The following LONP2 variants were observed in gnomAD, a reference collection of about 807,000 sequenced individuals.
LONP2 encodes lon peptidase 2, peroxisomal.
In LONP2, 60 loss-of-function variants were observed where a neutral mutation model predicts 85.6. The ratio of observed to expected loss-of-function variants is 0.70; its 90% CI spans 0.57 to 0.87. LONP2 has a LOEUF of 0.87. Ranked by LOEUF, LONP2 falls within the 40% of genes least tolerant of loss-of-function variation. The probability of loss-of-function intolerance (pLI) is 0.00; values close to 1 mark genes in which losing one functional copy is unlikely to be tolerated. For missense variants in LONP2, 860 were observed against 1,063.5 expected, an observed-to-expected ratio of 0.81 and a Z score of 2.66; for synonymous variants, 395 against 389.7, an observed-to-expected ratio of 1.01 and a Z score of -0.16.
chr16:48,247,874 T>A (rs1596896245), intron 1 of LONP2, among the ~76,000 whole-genome samples: 1 of 152,182 alleles, frequency 6.6e-6, no homozygotes, highest in South Asian at 2.1e-4. Flanking sequence ...CAAGTGATCC[T>A]CCTGCCTCTG....
intron 10 of LONP2, among the ~76,000 whole-genome samples, chr16:48,300,122 A>G (rs1972772038): frequency 6.6e-6 from 1 of 152,248 alleles, no homozygotes; most frequent in Non-Finnish European, 1.5e-5. Flanking sequence ...GATCATTTAA[A>G]AACCAAATAC....
intron 1 of LONP2, 94 bp from the exon 2 acceptor site, chr16:48,252,037 A>G: frequency 1.1e-6 from 1 of 930,520 alleles, no homozygotes; most frequent in Non-Finnish European, 1.5e-6. Context: ...TCTTTTGCTT[A>G]ATGAATGTAT....
In LONP2 at chr16:48,347,491, T is replaced by C; in HGVS notation, c.1939-16T>C. The C allele has an allele frequency of 6.2e-7, 1 of 1,613,748 alleles. No homozygotes were observed. The highest frequency in any genetic ancestry group is 1.1e-5 in the South Asian group (1 of 91,068). ...GCATTTGCCAACCCAACTCTGATCA[T>C]TCTTCTTCTTTCAAGGTATCTCAGC... On this transcript the variant is annotated splice_polypyrimidine_tract_variant and intron_variant, in intron 12 of 14. Coordinates refer to ENST00000285737, the MANE Select transcript of LONP2 (RefSeq NM_031490.5).
In LONP2 at chr16:48,352,353, A is replaced by G. The variant is rs28515165; in HGVS notation, c.*551A>G. On this transcript the variant is annotated 3_prime_UTR_variant, in exon 15 of 15. Coordinates refer to ENST00000285737, the MANE Select transcript of LONP2 (RefSeq NM_031490.5). The stretch of plus-strand genomic sequence containing the variant: ...GCCAACTATTCTTGGCTATATATAT[A>G]TATTCAAGTGGGCCGGGCGTGATGG... 0.083 allele frequency: 12,804 copies of G among 153,620 alleles called. 569 individuals carry two copies. The highest frequency in any genetic ancestry group is 0.11 in the Middle Eastern group (33 of 294). 9.5% of individuals were successfully genotyped at this position (153,620 alleles called of 1,614,324 possible). A position where few individuals can be genotyped will look rare whatever the true frequency, so the allele number is the denominator to read the frequency against.
intron 1 of LONP2, among the ~76,000 whole-genome samples, chr16:48,249,589 T>C (rs1971574641): frequency 6.6e-6 from 1 of 152,184 alleles, no homozygotes; most frequent in Non-Finnish European, 1.5e-5. Flanking sequence ...AAGGGATGTA[T>C]TCTAGGCTGG....
At chr16:48,252,050 G>T in intron 1 of LONP2, 81 bp from the exon 2 acceptor site, 1 of 1,104,370 alleles carries the variant, frequency 9.1e-7, no homozygotes. Flanking sequence ...GAATGTATCA[G>T]AAAAGCCAAC....
chr16:48,260,987 G>A (rs1200520215), intron 4 of LONP2, among the ~76,000 whole-genome samples: 1 of 152,144 alleles, frequency 6.6e-6, no homozygotes, highest in Non-Finnish European at 1.5e-5. Context: ...TAGAGCCAGT[G>A]GTGGAAAGGT....
intron 8 of LONP2, among the ~76,000 whole-genome samples, chr16:48,290,569 A>G (rs925996473): frequency 6.6e-6 from 1 of 151,522 alleles, no homozygotes; most frequent in Admixed American, 6.6e-5. Flanking sequence ...AATTTGCTAG[A>G]GTAGCTCACA....
chr16:48,296,323 C>T (rs369971386), intron 9 of LONP2, among the ~76,000 whole-genome samples, 158 bp downstream of exon 9: 7 of 152,190 alleles, frequency 4.6e-5, no homozygotes, highest in African/African-American at 1.7e-4. Context: ...TATGTAGCTT[C>T]AAAGTCTGGA....
chr16:48,350,007 C>A (rs890587501), intron 14 of LONP2, among the ~76,000 whole-genome samples: 1 of 152,154 alleles, frequency 6.6e-6, no homozygotes, highest in African/African-American at 2.4e-5. Flanking sequence ...AATCCCAGCA[C>A]TTTGGGAGGC....
intron 7 of LONP2, among the ~76,000 whole-genome samples, chr16:48,274,698 G>T (rs977954710): frequency 6.6e-6 from 1 of 151,274 alleles, no homozygotes; most frequent in Non-Finnish European, 1.5e-5. Flanking sequence ...ACACACCCTT[G>T]GTAGAAAATG....
In LONP2 at chr16:48,245,667, G is replaced by A. The variant is rs534461245; in HGVS notation, c.233+1046G>A. Among the ~76,000 whole-genome samples the A allele has an allele frequency of 3.5e-4, 53 of 152,180 alleles. 1 individual carries two copies. Among genetic ancestry groups the A allele is most frequent in the Non-Finnish European group, 4.7e-4 (32 of 67,986 alleles). ...TGCTGTAAGTGTACAATACACGCCA[G>A]ATTTTGAAAAAACTTTTTGATTAAT... is the stretch of plus-strand genomic sequence containing the variant. On this transcript the variant is annotated intron_variant, in intron 1 of 14. Transcript: ENST00000285737.
Position 48,338,554 on chromosome 16 carries a change from G to A in LONP2, c.1938+4196G>A, listed in dbSNP as rs555817525. Among the ~76,000 whole-genome samples the A allele has an allele frequency of 1.6e-4, 24 of 152,310 alleles. No homozygotes were observed. The South Asian group carries it at 4.6e-3, about 29-fold the overall frequency. ...TTTACTGAGATGGGGAAGACTTGGG[G>A]AGGGAGATGAGGAGAGAGTGTTGCA... On this transcript the variant is annotated intron_variant, in intron 12 of 14. Transcript: ENST00000285737.
At chr16:48,307,269 ATGT>A (rs1256810446) in intron 11 of LONP2, among the ~76,000 whole-genome samples, 2 of 152,180 alleles carry the variant, frequency 1.3e-5, no homozygotes, top group Non-Finnish European at 2.9e-5. Context: ...GTTTTTCTGC[ATGT>A]TGTTAGTATT....
intron 8 of LONP2, among the ~76,000 whole-genome samples, chr16:48,285,930 C>G (rs879530781): frequency 1.3e-5 from 2 of 152,104 alleles, no homozygotes; most frequent in Admixed American, 6.5e-5. Context: ...ACTCATTACA[C>G]AGCAATTCCC....
At chr16:48,307,653 T>C (rs1370652161) in intron 11 of LONP2, among the ~76,000 whole-genome samples, 2 of 152,170 alleles carry the variant, frequency 1.3e-5, no homozygotes, top group African/African-American at 2.4e-5. Flanking sequence ...CCTGGGTAGA[T>C]ACTAGTTTCT....
downstream of LONP2, chr16:48,362,323 C>T: frequency 6.2e-7 from 1 of 1,614,152 alleles, no homozygotes; most frequent in Non-Finnish European, 8.5e-7. This position sits in a 1 kb window ranked among gnomAD's most constrained non-coding sequence, Gnocchi z 4.2. Context: ...AAAAGACTCG[C>T]CAAGTCATTG....
chr16:48,331,165 T>C (rs1356172180), intron 11 of LONP2, among the ~76,000 whole-genome samples: 2 of 152,228 alleles, frequency 1.3e-5, no homozygotes, highest in Non-Finnish European at 2.9e-5. Context: ...GTAGTAACCT[T>C]AGACAGGTAG....
chr16:48,327,491 G>C (rs926575337), intron 11 of LONP2, among the ~76,000 whole-genome samples: 1 of 151,932 alleles, frequency 6.6e-6, no homozygotes, highest in Non-Finnish European at 1.5e-5. Context: ...GGAATCTCAC[G>C]TTGTCGCCCA....
Sources: gnomAD v4.1 joint callset for allele counts (sites outside exome capture counted in the v4.1 genomes callset) on GRCh38, gnomAD v4.1.1 for gene constraint, Gnocchi (gnomAD v3.1) non-coding constraint, MANE v1.5 for transcripts, NCBI Gene and HGNC (gene_info 2026-07-23, HGNC 2026-07-21) for gene names.